Variants in TASP1 observed in about 807,000 individuals in gnomAD.
TASP1 encodes threonine aspartase 1.
In TASP1, 16 loss-of-function variants were observed where a neutral mutation model predicts 56.6. The observed-to-expected ratio is 0.28, with a 90% CI of 0.19 to 0.43. The LOEUF is 0.43. TASP1 is among the 20% of genes least tolerant of loss of function. The pLI is 1.00. For synonymous variants in TASP1, 179 were observed against 184.2 expected (o/e 0.97, Z 0.23); for missense variants, 393 against 511.6 (o/e 0.77, Z 2.24).
rs1322455990 is a variant in TASP1 at position 13,625,255 on chromosome 20, A to G, written c.146-3T>C. On this transcript the variant is annotated splice_polypyrimidine_tract_variant and splice_region_variant and intron_variant, in intron 2 of 13. Coordinates refer to ENST00000337743, the MANE Select transcript of TASP1 (RefSeq NM_017714.3). ...GGATTCAGAATGATAACCTGCACCT[A>G]AAGTAGAAAATAAAATCCAGTTAAT... is the stretch of plus-strand genomic sequence containing the variant. 2 of 1,603,248 alleles carry G rather than the reference A, an allele frequency of 1.2e-6. No individual in the cohort carries two copies. Among genetic ancestry groups the G allele is most frequent in the East Asian group, 4.5e-5 (2 of 44,780 alleles).
At chr20:13,330,981 T>TTTTG in the TASP1 span, among the ~76,000 whole-genome samples, 1 of 152,142 alleles carries the variant, frequency 6.6e-6, no homozygotes, top group African/African-American at 2.4e-5. Flanking sequence ...GTTGTATTGT[T>TTTTG]TTTGTTTGTT....
chr20:13,116,052 T>C, the TASP1 span, among the ~76,000 whole-genome samples: 21 of 152,198 alleles, frequency 1.4e-4, no homozygotes, highest in African/African-American at 4.6e-4. Flanking sequence ...TTGGCCTTTA[T>C]TTCATTAAAA....
intron 13 of TASP1, among the ~76,000 whole-genome samples, chr20:13,411,934 T>A (rs1033557552): frequency 6.6e-6 from 1 of 152,262 alleles, no homozygotes; most frequent in Non-Finnish European, 1.5e-5. Context: ...AGAGGTTTTT[T>A]AAAATCTCTT....
intron 10 of TASP1, among the ~76,000 whole-genome samples, chr20:13,523,326 C>T (rs893707109): frequency 3.3e-5 from 5 of 152,140 alleles, no homozygotes; most frequent in African/African-American, 7.2e-5. Flanking sequence ...TTCCTGCCTG[C>T]CTTCCACATA....
At chr20:13,500,564 C>T (rs2043909068) in intron 10 of TASP1, among the ~76,000 whole-genome samples, 1 of 151,082 alleles carries the variant, frequency 6.6e-6, no homozygotes, top group South Asian at 2.1e-4. Context: ...TGGGAAACTC[C>T]AACATAGAAA....
chr20:13,375,587 G>T, the TASP1 span, among the ~76,000 whole-genome samples: 1 of 152,094 alleles, frequency 6.6e-6, no homozygotes, highest in Non-Finnish European at 1.5e-5. Context: ...ATAATCCTTT[G>T]GGTATATACC....
the TASP1 span, among the ~76,000 whole-genome samples, chr20:13,293,018 A>G: frequency 6.6e-6 from 1 of 151,860 alleles, no homozygotes; most frequent in Non-Finnish European, 1.5e-5. Context: ...AACATGGTGA[A>G]ACCCCCCCGT....
intron 10 of TASP1, among the ~76,000 whole-genome samples, chr20:13,494,895 A>G (rs1018569828): frequency 2.0e-5 from 3 of 152,134 alleles, no homozygotes; most frequent in Admixed American, 1.3e-4. Flanking sequence ...CATCCCAACA[A>G]AATAAAATTA....
the TASP1 span, among the ~76,000 whole-genome samples, chr20:13,124,274 G>A: frequency 6.6e-6 from 1 of 152,024 alleles, no homozygotes; most frequent in African/African-American, 2.4e-5. Flanking sequence ...GACAGAGAAG[G>A]TTATTGGTAT....
intron 2 of TASP1, among the ~76,000 whole-genome samples, chr20:13,628,103 A>AGT (rs2048961901): frequency 6.6e-6 from 1 of 152,202 alleles, no homozygotes; most frequent in Non-Finnish European, 1.5e-5. Flanking sequence ...TCCCAGGTGG[A>AGT]CATCCTCAAG....
intron 1 of TASP1, among the ~76,000 whole-genome samples, chr20:13,632,775 TG>T (rs1377907956): frequency 1.3e-5 from 2 of 152,224 alleles, no homozygotes; most frequent in Non-Finnish European, 2.9e-5. Flanking sequence ...CATCAGTTTT[TG>T]TTTAACTCAG....
chr20:13,380,098 C>T, the TASP1 span, among the ~76,000 whole-genome samples: 1 of 152,196 alleles, frequency 6.6e-6, no homozygotes, highest in African/African-American at 2.4e-5. Context: ...CATTCTCCAT[C>T]CAGTTTTGTT....
At chr20:13,215,216 G>A in the TASP1 span, among the ~76,000 whole-genome samples, 1 of 152,198 alleles carries the variant, frequency 6.6e-6, no homozygotes, top group African/African-American at 2.4e-5. Context: ...TATTGAGAAT[G>A]TCTATTTAAT....
chr20:13,293,129 G>A, the TASP1 span, among the ~76,000 whole-genome samples: 1 of 151,824 alleles, frequency 6.6e-6, no homozygotes, highest in Non-Finnish European at 1.5e-5. Context: ...GAACCCAGGA[G>A]GCGGAGGTTG....
chr20:13,477,150 T>C (rs77555888), intron 11 of TASP1, among the ~76,000 whole-genome samples: 1,561 of 152,206 alleles, frequency 0.01, 29 homozygotes, highest in African/African-American at 0.035. Flanking sequence ...TAATTGAATA[T>C]AACTTCTCTA....
intron 2 of TASP1, among the ~76,000 whole-genome samples, chr20:13,629,343 G>A (rs1189260640): frequency 4.0e-5 from 5 of 126,582 alleles, no homozygotes; most frequent in African/African-American, 6.2e-5. Flanking sequence ...CAACCTGGGC[G>A]ACAAGAGTAA....
chr20:13,550,882 TG>T (rs1307005346), intron 8 of TASP1, among the ~76,000 whole-genome samples: 1 of 152,152 alleles, frequency 6.6e-6, no homozygotes, highest in Non-Finnish European at 1.5e-5. Context: ...GAAAACATGT[TG>T]TTTTTTGTGC....
At chr20:13,358,249 C>T in the TASP1 span, among the ~76,000 whole-genome samples, 1 of 152,216 alleles carries the variant, frequency 6.6e-6, no homozygotes, top group Non-Finnish European at 1.5e-5. Context: ...TCGGACTCAG[C>T]CCGCCTGCAC....
chr20:13,143,594 G>A, the TASP1 span, among the ~76,000 whole-genome samples: 2 of 152,096 alleles, frequency 1.3e-5, no homozygotes, highest in Non-Finnish European at 1.5e-5. Flanking sequence ...CATTGTCCTG[G>A]GCACAAGGCA....
Sources: allele counts gnomAD v4.1 joint callset (sites outside exome capture counted in the v4.1 genomes callset), GRCh38; gene constraint gnomAD v4.1.1; transcripts MANE v1.5; gene names NCBI Gene and HGNC (gene_info 2026-07-23, HGNC 2026-07-21).